FMNL3: variants seen among roughly 807,000 people sequenced by gnomAD.
FMNL3 encodes formin like 3, also known as formin-like protein 3.
FMNL3 carries 57 observed loss-of-function variants against 119.6 expected under a neutral mutation model. The ratio of observed to expected loss-of-function variants is 0.48; its 90% confidence interval spans 0.39 to 0.59. The LOEUF (loss-of-function observed/expected upper bound fraction) is 0.59. Among genes scored for constraint, FMNL3 ranks in the 20% least tolerant of loss-of-function variants. FMNL3 has a pLI of 0.00. For missense variants in FMNL3, 1,053 were observed against 1,323.5 expected (o/e 0.80, Z 3.17); for synonymous variants, 491 against 507.3 (o/e 0.97, Z 0.43).
chr12:49,643,513 G>T lies in FMNL3; in HGVS notation c.*2302C>A. 1 of 1,427,062 alleles carries T rather than the reference G, an allele frequency of 7.0e-7. No individual in the cohort carries two copies. Among genetic ancestry groups the T allele is most frequent in the Non-Finnish European group, 9.4e-7 (1 of 1,060,268 alleles). The allele number at this position is 1,427,062 out of a possible 1,614,324, so 88.4% of individuals were successfully genotyped here. ...ACTGGATTGGGAGGGCTGCACCTGT[G>T]GAAGTAGAAAGAACTTCCTCTACCT... On this transcript the variant is annotated 3_prime_UTR_variant, in exon 26 of 26. Transcript: ENST00000335154.
Position 49,645,360 on chromosome 12 carries a change from G to GT in FMNL3, c.*454dup, listed in dbSNP as rs1175962481. On this transcript the variant is annotated 3_prime_UTR_variant, in exon 26 of 26. Coordinates refer to ENST00000335154, the MANE Select transcript of FMNL3 (RefSeq NM_175736.5). ...CATGCTTCAGAGGGCCTTGCTCCTG[G>GT]TAAGAGATGAACTGAGACTGGCAGG... 2 of 154,776 alleles carry GT rather than the reference G, an allele frequency of 1.3e-5. No homozygotes were observed. Among genetic ancestry groups the GT allele is most frequent in the African/African-American group, 4.8e-5 (2 of 41,488 alleles). The allele number at this position is 154,776 out of a possible 1,614,324, so 9.6% of individuals were successfully genotyped here. A position where few individuals can be genotyped will look rare whatever the true frequency, so the allele number is the denominator to read the frequency against.
chr12:49,700,634 G>A (rs1187399059), intron 1 of FMNL3, among the ~76,000 whole-genome samples: 1 of 139,942 alleles, frequency 7.1e-6, no homozygotes, highest in Non-Finnish European at 1.5e-5. Flanking sequence ...AGAATTGCTT[G>A]AACCCAGGAA....
rs770570205 is a variant in FMNL3, at chr12:49,656,390, G to A, written c.885+14C>T. 4 of 1,610,894 alleles carry A rather than the reference G, an allele frequency of 2.5e-6. No individual in the cohort carries two copies. Among genetic ancestry groups the A allele is most frequent in the Admixed American group, 3.3e-5 (2 of 59,836 alleles). On this transcript the variant is annotated intron_variant, in intron 9 of 25. Coordinates refer to ENST00000335154, the MANE Select transcript of FMNL3 (RefSeq NM_175736.5). ...GCAAACACACACACACACACGCGAA[G>A]CGAAAAGACTGACCTCTTTGAAATT... is the stretch of plus-strand genomic sequence containing the variant.
At chr12:49,674,988 C>A (rs1418068080) in intron 1 of FMNL3, among the ~76,000 whole-genome samples, 3 of 152,112 alleles carry the variant, frequency 2.0e-5, no homozygotes, top group Non-Finnish European at 4.4e-5. Flanking sequence ...ACAATTATAC[C>A]CCCGGGGCCT....
At chr12:49,654,796 T>A in intron 10 of FMNL3, 114 bp downstream of exon 10, 1 of 1,004,576 alleles carries the variant, frequency 1.0e-6, no homozygotes, top group South Asian at 1.6e-5. Context: ...CTGAATAGAA[T>A]CATTCTGGGC....
At chr12:49,662,291 C>T (rs11831673) in intron 4 of FMNL3, among the ~76,000 whole-genome samples, 2,241 of 152,318 alleles carry the variant, frequency 0.015, 57 homozygotes, top group African/African-American at 0.05. Context: ...GAAGGTGCTT[C>T]AGACAAACAA....
At position 49,646,955 on chromosome 12, in the gene FMNL3, G is replaced by A. The variant is rs774642740; in HGVS notation, c.2926C>T (p.Arg976Trp). 5.6e-6 allele frequency: 9 copies of A among 1,613,950 alleles called. No homozygotes were observed. Among genetic ancestry groups the A allele is most frequent in the East Asian group, 2.2e-5 (1 of 44,894 alleles). ...QQQELIAELRRRQAKEHRPVY... is the reference protein window; with the variant it reads ...QQQELIAELRWRQAKEHRPVY... ...GGCCGGTGTTCCTTGGCCTGGCGCC[G>A]CCTCAACTCTGCTATTAACTCCTGC... Residue 976 changes from arginine (R) to tryptophan (W), a missense_variant, in exon 25 of 26, where the codon CGG (arginine) becomes TGG (tryptophan). Arg to Trp is a moderately radical substitution (Grantham distance 101, BLOSUM62 -3). Around this residue, in one of 4 missense-constraint regions of FMNL3, gnomAD observed 324 missense variants for 380.9 expected, o/e 0.85. Coordinates refer to ENST00000335154, the MANE Select transcript of FMNL3 (RefSeq NM_175736.5).
intron 1 of FMNL3, chr12:49,688,540 G>C: frequency 2.2e-6 from 1 of 455,904 alleles, no homozygotes; most frequent in Non-Finnish European, 4.4e-6. Flanking sequence ...TTCCACCCCA[G>C]GGCTTTGCAA....
Position 49,637,895 on chromosome 12 carries a change from A to T in FMNL3, c.*7920T>A. ...CACACTCCCTGCAGAGGACTCCCTG[A>T]TAAGTCCTGTTTTGCAGAAGCATTA... On this transcript the variant is annotated 3_prime_UTR_variant, in exon 26 of 26. Transcript: ENST00000335154. 1.6e-6 allele frequency: 2 copies of T among 1,287,748 alleles called. No individual in the cohort carries two copies. The highest frequency in any genetic ancestry group is 2.5e-5 in the South Asian group (2 of 80,402). 79.8% of individuals were successfully genotyped at this position (1,287,748 alleles called of 1,614,324 possible).
chr12:49,695,077 T>G (rs924887769), intron 1 of FMNL3, among the ~76,000 whole-genome samples: 1 of 151,528 alleles, frequency 6.6e-6, no homozygotes, highest in East Asian at 1.9e-4. Flanking sequence ...GGTACACTCC[T>G]GCAGTCCCAG....
Position 49,637,615 on chromosome 12 carries a change from C to T in FMNL3, c.*8200G>A, listed in dbSNP as rs374757667. On this transcript the variant is annotated 3_prime_UTR_variant, in exon 26 of 26. Coordinates refer to ENST00000335154, the MANE Select transcript of FMNL3 (RefSeq NM_175736.5). ...GCAGCCAGGCTCCCCCTTCTCTGGC[C>T]TGGCTTCCTGCCCTGCCAGCCTCTC... The T allele has an allele frequency of 8.2e-4, 1,305 of 1,595,098 alleles. No individual in the cohort carries two copies. The highest frequency in any genetic ancestry group is 1.0e-3 in the Non-Finnish European group (1,212 of 1,165,142).
rs184029225 is a variant in FMNL3 at position 49,702,547 on chromosome 12, C to T, written c.126+4508G>A. 2.9e-3 allele frequency among the ~76,000 whole-genome samples: 444 copies of T among 152,072 alleles called. 3 individuals carry two copies. Among genetic ancestry groups the T allele is most frequent in the Admixed American group, 4.8e-3 (74 of 15,276 alleles). On this transcript the variant is annotated intron_variant, in intron 1 of 25. Transcript: ENST00000335154. Reference sequence around the variant, plus strand: ...AATAAGTATTACTTTAAGAGGAAAACAAAACAAAACAAAACAAAAAAACGC... The same window carrying T: ...AATAAGTATTACTTTAAGAGGAAAATAAAACAAAACAAAACAAAAAAACGC...
At chr12:49,665,164 CA>C (rs566894964) in intron 4 of FMNL3, among the ~76,000 whole-genome samples, 2 of 152,054 alleles carry the variant, frequency 1.3e-5, no homozygotes, top group East Asian at 3.9e-4. Flanking sequence ...TACCCTCTTT[CA>C]CTGTACCTTA....
rs1296232529 is a variant in FMNL3 at position 49,648,234 on chromosome 12, C to T, written c.2635G>A (p.Gly879Ser). 9.9e-6 allele frequency: 16 copies of T among 1,613,860 alleles called. No individual in the cohort carries two copies. Among genetic ancestry groups the T allele is most frequent in the Non-Finnish European group, 1.4e-5 (16 of 1,179,938 alleles). The change falls in exon 22 of 26, where the codon GGC becomes AGC. Residue 879 changes from glycine (G) to serine (S), a missense_variant. This residue lies in a region of FMNL3 where 324 missense variants were observed against 380.9 expected (regional missense o/e 0.85). Transcript: ENST00000335154. Reference sequence around the variant, plus strand: ...TCCCGCTGGAGCTTGTCTAGTTTGCCTTCATTGGTACTGAGGAAGTTCCGG... The same window carrying T: ...TCCCGCTGGAGCTTGTCTAGTTTGCTTTCATTGGTACTGAGGAAGTTCCGG... ...VLRNFLSTNE[G>S]KLDKLQRDAK... is the part of the protein sequence containing the mutation.
At chr12:49,690,077 T>C (rs1944562692) in intron 1 of FMNL3, among the ~76,000 whole-genome samples, 1 of 152,232 alleles carries the variant, frequency 6.6e-6, no homozygotes, top group Non-Finnish European at 1.5e-5. Context: ...CAAAAGCATG[T>C]GATTGGGCAA....
chr12:49,674,847 C>G (rs1446394713), intron 1 of FMNL3, among the ~76,000 whole-genome samples: 3 of 152,068 alleles, frequency 2.0e-5, no homozygotes, highest in Non-Finnish European at 4.4e-5. Context: ...CCCTGAGCAG[C>G]CTGGAAGAAA....
rs1943390380 is a variant in FMNL3 at position 49,651,270 on chromosome 12, G to A, written c.1695C>T (p.Ile565=). The change falls in exon 16 of 26, where the codon ATC becomes ATT. Residue 565 remains isoleucine (I), a synonymous_variant. Transcript: ENST00000335154. ...AGACAGGCAGCCGGAACTTGGTCTT[G>A]ATAGGTTTCTTAATTCGAATGGCTA... The part of the protein sequence containing the change: ...GLSAIRIKKP[I]KTKFRLPVFN... 6.2e-7 allele frequency: 1 copy of A among 1,612,598 alleles called. No individual in the cohort carries two copies. The highest frequency in any genetic ancestry group is 1.7e-5 in the Admixed American group (1 of 59,988).
At chr12:49,665,511 G>A (rs908269022) in intron 4 of FMNL3, among the ~76,000 whole-genome samples, 1 of 152,190 alleles carries the variant, frequency 6.6e-6, no homozygotes, top group Non-Finnish European at 1.5e-5. Flanking sequence ...AGCCTCGCTT[G>A]GCCCAGCACC....
At chr12:49,695,434 TAA>T (rs1013090678) in intron 1 of FMNL3, among the ~76,000 whole-genome samples, 4 of 152,238 alleles carry the variant, frequency 2.6e-5, no homozygotes, top group African/African-American at 9.6e-5. Flanking sequence ...CCTTAAGGCC[TAA>T]GTTAGTGACA....
Sources: allele counts gnomAD v4.1 joint callset (sites outside exome capture counted in the v4.1 genomes callset), GRCh38; gene constraint gnomAD v4.1.1; regional missense constraint gnomAD v4.1.1; transcripts MANE v1.5; gene names NCBI Gene and HGNC (gene_info 2026-07-23, HGNC 2026-07-21).